The following RBFOX1 variants were observed in gnomAD, a reference collection of about 807,000 sequenced individuals.
RBFOX1 encodes RNA binding protein fox-1 homolog 1.
Under a neutral mutation model 57.7 loss-of-function variants are expected in RBFOX1, and 8 were observed. The observed-to-expected ratio is 0.14, with a 90% CI of 0.08 to 0.25. RBFOX1 has a LOEUF of 0.25. RBFOX1 is among the 10% of genes least tolerant of loss of function. The probability of loss-of-function intolerance (pLI) is 1.00; values close to 1 mark genes in which losing one functional copy is unlikely to be tolerated. For synonymous variants in RBFOX1, 326 were observed against 222.4 expected, an observed-to-expected ratio of 1.47 and a Z score of -4.15; for missense variants, 611 against 548.5, an observed-to-expected ratio of 1.11 and a Z score of -1.14.
intron 4 of RBFOX1, among the ~76,000 whole-genome samples, chr16:7,388,723 C>G (rs1597196024): frequency 8.3e-6 from 1 of 121,020 alleles, no homozygotes; most frequent in South Asian, 2.8e-4. Context: ...GTATGGTATT[C>G]AATGAATTCC....
In RBFOX1 at chr16:5,803,476, T is replaced by G. The variant is rs369474134; in HGVS notation, c.319-63827T>G. On this transcript the variant is annotated intron_variant, in intron 3 of 19. Coordinates refer to the RBFOX1 transcript ENST00000641259. ...ACATGGCCCAGCTTCTGTTTCCTCATCCATTTTTAATAACGGTGCTACTTT... is the reference window on the plus strand; with the variant it reads ...ACATGGCCCAGCTTCTGTTTCCTCAGCCATTTTTAATAACGGTGCTACTTT... Among the ~76,000 whole-genome samples the G allele has an allele frequency of 2.4e-3, 359 of 152,328 alleles. 2 individuals carry two copies. The highest frequency in any genetic ancestry group is 0.017 in the Middle Eastern group (5 of 294).
intron 2 of RBFOX1, among the ~76,000 whole-genome samples, chr16:6,376,161 A>G (rs2152904486): frequency 6.6e-6 from 1 of 152,206 alleles, no homozygotes. Context: ...AATATCTGTG[A>G]TTCTTTGACT....
chr16:7,635,439 A>C (rs996202604), intron 11 of RBFOX1, among the ~76,000 whole-genome samples: 3 of 152,186 alleles, frequency 2.0e-5, no homozygotes, highest in East Asian at 3.9e-4. Context: ...CATACACACC[A>C]TTGTAATAAT....
At chr16:7,052,008 C>A (rs562671538) in intron 3 of RBFOX1, 49 bp from the exon 4 acceptor site, 2 of 1,592,008 alleles carry the variant, frequency 1.3e-6, no homozygotes, top group Admixed American at 1.8e-5. Context: ...TCATGTTTTT[C>A]TGATCCGGAG....
At chr16:6,791,192 C>A (rs1372969778) in intron 3 of RBFOX1, among the ~76,000 whole-genome samples, 1 of 152,142 alleles carries the variant, frequency 6.6e-6, no homozygotes, top group East Asian at 1.9e-4. Flanking sequence ...CTGGTGTGAG[C>A]CACCACACCC....
At chr16:5,875,610 G>C (rs1409062560) in intron 4 of RBFOX1, among the ~76,000 whole-genome samples, 1 of 152,074 alleles carries the variant, frequency 6.6e-6, no homozygotes, top group South Asian at 2.1e-4. Flanking sequence ...AGTGTGCTTG[G>C]TGACTCATTC....
intron 3 of RBFOX1, among the ~76,000 whole-genome samples, chr16:5,609,411 C>A (rs2047696982): frequency 6.6e-6 from 1 of 152,188 alleles, no homozygotes; most frequent in Non-Finnish European, 1.5e-5. Context: ...CTGTCACCTT[C>A]CACTCTAGGG....
At chr16:6,397,975 A>T (rs2092908536) in intron 2 of RBFOX1, among the ~76,000 whole-genome samples, 1 of 152,234 alleles carries the variant, frequency 6.6e-6, no homozygotes, top group South Asian at 2.1e-4. Flanking sequence ...CAACGGCATA[A>T]CAAAAACAAT....
At chr16:7,632,928 T>C (rs992534697) in intron 11 of RBFOX1, among the ~76,000 whole-genome samples, 4 of 152,196 alleles carry the variant, frequency 2.6e-5, no homozygotes, top group Non-Finnish European at 5.9e-5. Context: ...CTAGTTTGAA[T>C]TGGTATAGCT....
At chr16:6,294,943 A>G (rs151234221) in intron 1 of RBFOX1, among the ~76,000 whole-genome samples, 6 of 152,088 alleles carry the variant, frequency 3.9e-5, no homozygotes, top group African/African-American at 1.4e-4. Flanking sequence ...CCCTAACCCC[A>G]ATTTGCTGTG....
chr16:5,783,037 A>G (rs1470215045), intron 3 of RBFOX1, among the ~76,000 whole-genome samples: 1 of 152,184 alleles, frequency 6.6e-6, no homozygotes, highest in Non-Finnish European at 1.5e-5. Flanking sequence ...ACCCTCATGG[A>G]CACACCCAGA....
At chr16:5,273,915 C>T (rs763571036) in intron 1 of RBFOX1, among the ~76,000 whole-genome samples, 6 of 152,124 alleles carry the variant, frequency 3.9e-5, no homozygotes, top group Non-Finnish European at 8.8e-5. Flanking sequence ...AGATTGAATT[C>T]CCCACCTGCC....
intron 3 of RBFOX1, chr16:5,838,524 T>A (rs2056531815): frequency 6.4e-6 from 1 of 156,930 alleles, no homozygotes; most frequent in Non-Finnish European, 1.4e-5. Context: ...ACTTGCTATC[T>A]CATGTGCTTA....
intron 3 of RBFOX1, among the ~76,000 whole-genome samples, chr16:5,666,219 G>A (rs894166671): frequency 5.9e-5 from 9 of 152,212 alleles, no homozygotes; most frequent in South Asian, 2.1e-4. Context: ...TTCGCAGAGC[G>A]CGGGGCATCT....
At position 7,709,955 on chromosome 16, in the gene RBFOX1, G is replaced by A. The variant is rs945294673; in HGVS notation, c.1072-668G>A. On this transcript the variant is annotated intron_variant, in intron 15 of 15. Coordinates refer to ENST00000550418, the MANE Select transcript of RBFOX1 (RefSeq NM_018723.4). ...CTTACCCTAAAAATGAATCCCCATA[G>A]GCATTCATTTGAATTGCCAATACTT... The A allele has an allele frequency of 1.4e-5, 14 of 1,014,336 alleles. No individual in the cohort carries two copies. In the African/African-American group the frequency reaches 1.4e-4, roughly 10 times the overall value. The allele number at this position is 1,014,336 out of a possible 1,614,324, so 62.8% of individuals were successfully genotyped here.
At chr16:7,059,839 C>A (rs1196477753) in intron 4 of RBFOX1, among the ~76,000 whole-genome samples, 1 of 152,014 alleles carries the variant, frequency 6.6e-6, no homozygotes, top group Admixed American at 6.6e-5. Context: ...ATTGTAATTA[C>A]ATTAGTTAGT....
chr16:6,663,190 G>C lies in RBFOX1; in HGVS notation c.-16+8540G>C, dbSNP rs186471262. Among the ~76,000 whole-genome samples, 102 of 152,292 alleles carry C rather than the reference G, an allele frequency of 6.7e-4. 2 individuals carry two copies. The South Asian group carries it at 9.3e-3, about 14-fold the overall frequency. On this transcript the variant is annotated intron_variant, in intron 3 of 15. Coordinates refer to ENST00000550418, the MANE Select transcript of RBFOX1 (RefSeq NM_018723.4). Reference sequence around the variant, plus strand: ...AGGAGGAAGGTTTGCATTTTCAAGAGACTGGATAAGTCCTATCCACATGAC... The same window carrying C: ...AGGAGGAAGGTTTGCATTTTCAAGACACTGGATAAGTCCTATCCACATGAC...
intron 4 of RBFOX1, among the ~76,000 whole-genome samples, chr16:5,962,938 A>G (rs113646219): frequency 7.8e-4 from 119 of 151,928 alleles, no homozygotes; most frequent in African/African-American, 2.6e-3. Context: ...TCCAAGTTCA[A>G]TATGGTCTTC....
At chr16:7,275,052 G>C (rs928532408) in intron 4 of RBFOX1, among the ~76,000 whole-genome samples, 8 of 152,162 alleles carry the variant, frequency 5.3e-5, no homozygotes, top group Non-Finnish European at 1.0e-4. Context: ...GGGTGGTGGA[G>C]AGGATAGGAA....
Sources: allele counts gnomAD v4.1 joint callset (sites outside exome capture counted in the v4.1 genomes callset), GRCh38; gene constraint gnomAD v4.1.1; transcripts MANE v1.5; gene names NCBI Gene and HGNC (gene_info 2026-07-23, HGNC 2026-07-21).